The following PTPRN2 variants were observed in gnomAD, a reference collection of about 807,000 sequenced individuals.
PTPRN2 encodes the protein receptor-type tyrosine-protein phosphatase N2.
A neutral mutation model predicts 118.8 loss-of-function variants in PTPRN2; 74 were observed. The ratio of observed to expected loss-of-function variants is 0.62; its 90% CI spans 0.52 to 0.76. The LOEUF is 0.76. PTPRN2 is among the 30% of genes least tolerant of loss of function. The pLI is 0.00. For synonymous variants in PTPRN2, 641 were observed against 608.0 expected, an observed-to-expected ratio of 1.05 and a Z score of -0.80; for missense variants, 1,481 against 1,394.4, an observed-to-expected ratio of 1.06 and a Z score of -0.99.
chr7:157,815,998 G>C (rs901326291), intron 12 of PTPRN2, among the ~76,000 whole-genome samples: 1 of 152,216 alleles, frequency 6.6e-6, no homozygotes, highest in African/African-American at 2.4e-5. Flanking sequence ...CCCTCGTGCA[G>C]ATGTGAAGAT....
chr7:158,132,045 A>G (rs565347749), intron 9 of PTPRN2, among the ~76,000 whole-genome samples: 2 of 151,698 alleles, frequency 1.3e-5, no homozygotes, highest in African/African-American at 4.8e-5. Context: ...TCATACACAC[A>G]CAAATATGCA....
Position 157,986,596 on chromosome 7 carries a change from C to T in PTPRN2, c.1724-87859G>A, listed in dbSNP as rs550802251. The stretch of plus-strand genomic sequence containing the variant: ...CGACATCTGCACTATTCAGACATCA[C>T]GCTTCCTTTCGTCCTCACTCAAAAT... On this transcript the variant is annotated intron_variant, in intron 11 of 22. Coordinates refer to ENST00000389418, the MANE Select transcript of PTPRN2 (RefSeq NM_002847.5). The surrounding 1 kb of genome is among the most constrained non-coding windows in gnomAD (Gnocchi z 4.5). Among the ~76,000 whole-genome samples the T allele has an allele frequency of 3.0e-4, 45 of 152,294 alleles. No homozygotes were observed. The highest frequency in any genetic ancestry group is 1.9e-3 in the Admixed American group (29 of 15,302).
chr7:157,811,975 C>G (rs1585531669), intron 12 of PTPRN2, among the ~76,000 whole-genome samples: 1 of 152,142 alleles, frequency 6.6e-6, no homozygotes, highest in African/African-American at 2.4e-5. Context: ...GAAGGACCAC[C>G]CTCGACTTAA....
chr7:158,217,767 T>A (rs1003206677), intron 3 of PTPRN2, among the ~76,000 whole-genome samples: 28 of 152,200 alleles, frequency 1.8e-4, no homozygotes, highest in Admixed American at 6.5e-4. Flanking sequence ...TTCTGAAATT[T>A]AAAATTCAAT....
rs918740755 is a variant in PTPRN2, at chr7:158,517,316, C to G, written c.113-27531G>C. On this transcript the variant is annotated intron_variant, in intron 1 of 22. Transcript: ENST00000389418. This position sits in a 1 kb window ranked among gnomAD's most constrained non-coding sequence, Gnocchi z 5.3. ...GGAGGCAGAGTGCGGGCAGCGCCCC[C>G]TCACAGAACCGCAGCAACGACACCT... Among the ~76,000 whole-genome samples, 2 of 152,222 alleles carry G rather than the reference C, an allele frequency of 1.3e-5. No individual in the cohort carries two copies. Among genetic ancestry groups the G allele is most frequent in the South Asian group, 2.1e-4 (1 of 4,834 alleles).
rs576453485 is a variant in PTPRN2 at position 158,082,841 on chromosome 7, C to T, written c.1644-1464G>A. 7.2e-5 allele frequency among the ~76,000 whole-genome samples: 11 copies of T among 152,290 alleles called. No homozygotes were observed. The East Asian group carries it at 2.1e-3, about 29-fold the overall frequency. On this transcript the variant is annotated intron_variant, in intron 10 of 22. Transcript: ENST00000389418. ...CCAGCTCTACTGCATGCAAAATGTC[C>T]TTGGAAGCCGCCTCCAGGGATGACC...
At chr7:157,830,660 C>T (rs1273775844) in intron 12 of PTPRN2, among the ~76,000 whole-genome samples, 1 of 152,224 alleles carries the variant, frequency 6.6e-6, no homozygotes, top group African/African-American at 2.4e-5. Flanking sequence ...ATCCAACAGG[C>T]CCAGGCCACA....
rs1241913235 is a variant in PTPRN2 at position 157,964,898 on chromosome 7, C to T, written c.1724-66161G>A. On this transcript the variant is annotated intron_variant, in intron 11 of 22. Transcript: ENST00000389418. The surrounding 1 kb of genome is among the most constrained non-coding windows in gnomAD (Gnocchi z 9.0). ...GGCTTTGGTTTGTGAGTGCCCTGCA[C>T]TCTGTCAGTTGGGCCATGGTATAAT... Among the ~76,000 whole-genome samples the T allele has an allele frequency of 6.6e-6, 1 of 152,232 alleles. No homozygotes were observed. The highest frequency in any genetic ancestry group is 6.5e-5 in the Admixed American group (1 of 15,288).
At chr7:157,847,019 C>A (rs1362904146) in intron 12 of PTPRN2, among the ~76,000 whole-genome samples, 1 of 151,116 alleles carries the variant, frequency 6.6e-6, no homozygotes, top group African/African-American at 2.4e-5. Context: ...AGCCCTCCCT[C>A]ACTACATCAT....
chr7:158,331,061 T>G (rs1804303829), intron 2 of PTPRN2, among the ~76,000 whole-genome samples: 1 of 147,010 alleles, frequency 6.8e-6, no homozygotes, highest in African/African-American at 2.5e-5. Context: ...CAGACGTCAC[T>G]CACACCCACA....
At chr7:158,514,075 A>G (rs1002662990) in intron 1 of PTPRN2, among the ~76,000 whole-genome samples, 2 of 152,176 alleles carry the variant, frequency 1.3e-5, no homozygotes, top group Admixed American at 6.5e-5. Context: ...ACGGGCATCA[A>G]ATGAGGCGGA....
chr7:158,448,477 C>T (rs1309509324), intron 2 of PTPRN2, among the ~76,000 whole-genome samples: 4 of 146,684 alleles, frequency 2.7e-5, no homozygotes, highest in African/African-American at 9.8e-5. Context: ...GTCTGGGCAG[C>T]GCTGCAGTGC....
At chr7:158,395,452 C>G (rs57400808) in intron 2 of PTPRN2, among the ~76,000 whole-genome samples, 2 of 206 alleles carry the variant, frequency 9.7e-3, no homozygotes, top group African/African-American at 0.015. Flanking sequence ...CGCGAGGGGC[C>G]AGGGGCGAGG....
At chr7:158,144,134 G>A (rs1256136424) in intron 6 of PTPRN2, among the ~76,000 whole-genome samples, 1 of 152,228 alleles carries the variant, frequency 6.6e-6, no homozygotes, top group Non-Finnish European at 1.5e-5. Flanking sequence ...CAAATGGTGA[G>A]AGAATAAAAA....
intron 1 of PTPRN2, among the ~76,000 whole-genome samples, chr7:158,538,623 A>G (rs761643722): frequency 1.3e-5 from 2 of 152,124 alleles, no homozygotes; most frequent in African/African-American, 2.4e-5. Flanking sequence ...GGCACTGAGA[A>G]TAGGTGGGCG....
At chr7:157,948,561 AC>A (rs1800621086) in intron 11 of PTPRN2, among the ~76,000 whole-genome samples, 1 of 152,242 alleles carries the variant, frequency 6.6e-6, no homozygotes, top group African/African-American at 2.4e-5. Context: ...TGTAAGACAT[AC>A]AGAAACCAGC....
Position 157,986,164 on chromosome 7 carries a change from C to T in PTPRN2, c.1724-87427G>A, listed in dbSNP as rs1047696126. Among the ~76,000 whole-genome samples, 9 of 152,180 alleles carry T rather than the reference C, an allele frequency of 5.9e-5. No individual in the cohort carries two copies. The highest frequency in any genetic ancestry group is 7.3e-5 in the Non-Finnish European group (5 of 68,042). On this transcript the variant is annotated intron_variant, in intron 11 of 22. Coordinates refer to ENST00000389418, the MANE Select transcript of PTPRN2 (RefSeq NM_002847.5). This position sits in a 1 kb window ranked among gnomAD's most constrained non-coding sequence, Gnocchi z 4.5. ...AGATAGATACCCTCATCTACAGCCC[C>T]GCTCTCGTATGTCCGGGGGAAGCTA...
intron 12 of PTPRN2, among the ~76,000 whole-genome samples, chr7:157,828,059 G>T (rs1585568904): frequency 6.6e-6 from 1 of 152,204 alleles, no homozygotes; most frequent in Admixed American, 6.5e-5. Context: ...GGCCACGGAA[G>T]TACATTTCGT....
chr7:158,441,394 A>ACAG (rs1817170728), intron 2 of PTPRN2, among the ~76,000 whole-genome samples: 10 of 76,480 alleles, frequency 1.3e-4, no homozygotes, highest in African/African-American at 4.8e-4. Flanking sequence ...GGTGGTGATA[A>ACAG]TGATGGTCAT....
Sources: allele counts gnomAD v4.1 joint callset (sites outside exome capture counted in the v4.1 genomes callset), GRCh38; gene constraint gnomAD v4.1.1; non-coding constraint Gnocchi (gnomAD v3.1); transcripts MANE v1.5; gene names NCBI Gene and HGNC (gene_info 2026-07-23, HGNC 2026-07-21).